CCDC57: variants seen among roughly 807,000 people sequenced by gnomAD.
CCDC57 encodes coiled-coil domain containing 57, also known as coiled-coil domain-containing protein 57.
Under a neutral mutation model 118.9 loss-of-function variants are expected in CCDC57, and 118 were observed. The observed-to-expected ratio is 0.99, with a 90% CI of 0.86 to 1.16. CCDC57 has a LOEUF of 1.16. CCDC57 is among the 50% of genes most tolerant of loss of function. The pLI is 0.00. For missense variants in CCDC57, 1,300 were observed against 1,320.7 expected, an observed-to-expected ratio of 0.98 and a Z score of 0.24; for synonymous variants, 527 against 532.9, an observed-to-expected ratio of 0.99 and a Z score of 0.15.
chr17:82,103,470 A>C (rs2034609968), intron 19 of CCDC57, among the ~76,000 whole-genome samples: 3 of 148,130 alleles, frequency 2.0e-5, no homozygotes, highest in South Asian at 2.2e-4. Context: ...CCCCATCCCC[A>C]CTCCCTCCCC....
intron 8 of CCDC57, among the ~76,000 whole-genome samples, chr17:82,187,868 A>G (rs1037940548): frequency 5.2e-4 from 78 of 151,228 alleles, no homozygotes; most frequent in African/African-American, 1.7e-3. Flanking sequence ...GGGAAGATGG[A>G]AAGTTCTGGA....
At chr17:82,196,278 T>C (rs946315981) in intron 4 of CCDC57, among the ~76,000 whole-genome samples, 2 of 152,238 alleles carry the variant, frequency 1.3e-5, no homozygotes. Context: ...ACTGGTCTCT[T>C]ACTGACCACG....
intron 2 of CCDC57, among the ~76,000 whole-genome samples, chr17:82,203,008 C>G (rs7225560): frequency 0.46 from 69,657 of 152,000 alleles, 16,803 homozygotes; most frequent in East Asian, 0.88. Context: ...GATATGGTTT[C>G]GATATTTATC....
At chr17:82,194,268 C>T (rs1302381371) in intron 5 of CCDC57, 129 bp from the exon 5 acceptor site, 3 of 948,266 alleles carry the variant, frequency 3.2e-6, no homozygotes, top group African/African-American at 3.3e-5. Context: ...AGCAGTAAAA[C>T]AGTGAGAATG....
chr17:82,149,296 G>A (rs1388399253), intron 16 of CCDC57, among the ~76,000 whole-genome samples: 2 of 151,674 alleles, frequency 1.3e-5, no homozygotes, highest in Admixed American at 1.3e-4. Context: ...ATGGATGGGT[G>A]GTTGGATAGA....
At chr17:82,191,735 C>A (rs1384605496) in intron 7 of CCDC57, among the ~76,000 whole-genome samples, 1 of 152,096 alleles carries the variant, frequency 6.6e-6, no homozygotes, top group Non-Finnish European at 1.5e-5. Context: ...GGCACCACCT[C>A]GGCTCACTAC....
At chr17:82,117,582 G>A (rs2036084138) in intron 19 of CCDC57, among the ~76,000 whole-genome samples, 1 of 152,146 alleles carries the variant, frequency 6.6e-6, no homozygotes, top group Non-Finnish European at 1.5e-5. Context: ...AGAAGCCTGG[G>A]AGGTTGAGGC....
At chr17:82,111,970 CT>C (rs1568139771) in intron 19 of CCDC57, 1 of 150,752 alleles carries the variant, frequency 6.6e-6, no homozygotes, top group Non-Finnish European at 1.5e-5. Context: ...GGTGTTTTTT[CT>C]TTTGTTTTGT....
intron 13 of CCDC57, among the ~76,000 whole-genome samples, chr17:82,167,797 G>C (rs1361103125): frequency 6.6e-6 from 1 of 152,108 alleles, no homozygotes; most frequent in Non-Finnish European, 1.5e-5. Flanking sequence ...TGTATTTTTA[G>C]TAGATACGGG....
chr17:82,186,377 C>T (rs562530353), intron 8 of CCDC57, among the ~76,000 whole-genome samples: 2 of 152,278 alleles, frequency 1.3e-5, no homozygotes, highest in African/African-American at 4.8e-5. Context: ...GGAGTGGTGA[C>T]GCCCAGTCAC....
At chr17:82,210,540 C>T (rs2050098640) in intron 1 of CCDC57, among the ~76,000 whole-genome samples, 1 of 149,380 alleles carries the variant, frequency 6.7e-6, no homozygotes, top group Admixed American at 6.7e-5. Flanking sequence ...AATAGCCGGG[C>T]ATGGTGGCAG....
At chr17:82,184,029 G>GCGCGCGCGCGCGCGCA (rs2046592964) in intron 8 of CCDC57, 97 bp from the exon 8 acceptor site, 1 of 228,180 alleles carries the variant, frequency 4.4e-6, no homozygotes, top group Non-Finnish European at 7.8e-6. Flanking sequence ...GCGCGCGCGC[G>GCGCGCGCGCGCGCGCA]CGCACACACA....
exon 17 of CCDC57, chr17:82,134,169 A>C: frequency 1.5e-6 from 2 of 1,345,190 alleles, no homozygotes; most frequent in Non-Finnish European, 1.9e-6. Context: ...CAGGGGCAGG[A>C]GGGAGGGCGT....
At chr17:82,110,330 A>G (rs1274517681) in intron 19 of CCDC57, among the ~76,000 whole-genome samples, 1 of 152,196 alleles carries the variant, frequency 6.6e-6, no homozygotes, top group Non-Finnish European at 1.5e-5. Flanking sequence ...AAAAGAAAAA[A>G]ATAAATAAAA....
At position 82,163,010 on chromosome 17, in the gene CCDC57, C is replaced by T. The variant is rs147067974; in HGVS notation, c.2040+190G>A. 9.6e-3 allele frequency among the ~76,000 whole-genome samples: 1,467 copies of T among 152,348 alleles called. 8 individuals carry two copies. Among genetic ancestry groups the T allele is most frequent in the Middle Eastern group, 0.027 (8 of 294 alleles). On this transcript the variant is annotated intron_variant, in intron 14 of 19. Transcript: ENST00000665763. ...CCAGGTTCTCATGGCACGCCTTCCA[C>T]GAGCACACCTGAGATGAACCGGTTC... is the stretch of plus-strand genomic sequence containing the variant.
intron 19 of CCDC57, among the ~76,000 whole-genome samples, chr17:82,103,192 C>T (rs1421888383): frequency 6.6e-6 from 1 of 152,236 alleles, no homozygotes; most frequent in Non-Finnish European, 1.5e-5. Context: ...CACTCCCAGC[C>T]CTGGCCCTGG....
rs1277880140 is a variant in CCDC57, at chr17:82,172,668, G to C, written c.1699C>G (p.Pro567Ala). ...GTGGCGGCATCTCCCCCAGCCTCTG[G>C]GTCAGGCTGGTTTGCATCTGTGCTC... Residue 567 changes from proline to alanine, a missense_variant, in exon 12 of 20, where the codon CCA becomes GCA. Coordinates refer to ENST00000665763, the Ensembl canonical transcript of CCDC57. This position sits in a 1 kb window ranked among gnomAD's most constrained non-coding sequence, Gnocchi z 5.2. The C allele has an allele frequency of 6.4e-7, 1 of 1,553,048 alleles. No individual in the cohort carries two copies. Among genetic ancestry groups the C allele is most frequent in the East Asian group, 2.4e-5 (1 of 41,330 alleles).
chr17:82,179,280 G>A (rs751497538), intron 9 of CCDC57, 91 bp from the exon 9 acceptor site: 43 of 1,428,868 alleles, frequency 3.0e-5, no homozygotes, highest in Middle Eastern at 3.8e-4. Context: ...CAGGGCTGCC[G>A]CTGTCCCTCC....
intron 9 of CCDC57, among the ~76,000 whole-genome samples, chr17:82,180,930 G>A (rs1411515792): frequency 4.6e-5 from 7 of 152,234 alleles, no homozygotes; most frequent in Admixed American, 2.6e-4. Context: ...ATGAACACAC[G>A]AGCGGTGCGG....
Sources: allele counts gnomAD v4.1 joint callset (sites outside exome capture counted in the v4.1 genomes callset), GRCh38; gene constraint gnomAD v4.1.1; non-coding constraint Gnocchi (gnomAD v3.1); transcripts MANE v1.5; gene names NCBI Gene and HGNC (gene_info 2026-07-23, HGNC 2026-07-21).